Variants in KIF16B observed in about 807,000 individuals in gnomAD.
KIF16B encodes kinesin family member 16B, also known as kinesin-like protein KIF16B.
In KIF16B, 98 loss-of-function variants were observed where a neutral mutation model predicts 156.3. The ratio of observed to expected loss-of-function variants is 0.63; its 90% confidence interval spans 0.53 to 0.74. KIF16B has a LOEUF of 0.74. KIF16B is among the 30% of genes least tolerant of loss of function. KIF16B has a pLI of 0.00. For synonymous variants in KIF16B, 564 were observed against 583.7 expected (o/e 0.97, Z 0.49); for missense variants, 1,421 against 1,606.5 (o/e 0.88, Z 1.97).
intron 17 of KIF16B, among the ~76,000 whole-genome samples, chr20:16,401,010 C>T (rs902596935): frequency 6.6e-6 from 1 of 152,222 alleles, no homozygotes; most frequent in Non-Finnish European, 1.5e-5. Context: ...TGGAAACCCA[C>T]CCCTCAGGCA....
chr20:16,303,210 C>T (rs1884603), intron 25 of KIF16B, among the ~76,000 whole-genome samples: 109,835 of 152,150 alleles, frequency 0.72, 40,573 homozygotes, highest in East Asian at 0.96. Context: ...CCATTTTATG[C>T]GTAATAAAAC....
intron 24 of KIF16B, among the ~76,000 whole-genome samples, chr20:16,316,165 T>C (rs1188745750): frequency 6.6e-6 from 1 of 152,208 alleles, no homozygotes; most frequent in South Asian, 2.1e-4. Context: ...AGCAATTTCA[T>C]CTATCTAAAT....
chr20:16,480,299 T>C (rs1001952149), intron 12 of KIF16B, among the ~76,000 whole-genome samples: 2 of 152,102 alleles, frequency 1.3e-5, no homozygotes, highest in Non-Finnish European at 2.9e-5. Flanking sequence ...ACCCAAGACA[T>C]GGGCCCTCTA....
chr20:16,351,300 T>C (rs1334888232), intron 23 of KIF16B, among the ~76,000 whole-genome samples: 1 of 152,160 alleles, frequency 6.6e-6, no homozygotes, highest in Non-Finnish European at 1.5e-5. Context: ...GACATGAGTG[T>C]GATAGTCTCT....
chr20:16,468,575 CAAAAAAAA>C (rs550510241), intron 12 of KIF16B, among the ~76,000 whole-genome samples: 9 of 35,838 alleles, frequency 2.5e-4, no homozygotes, highest in East Asian at 8.6e-4. Context: ...GACTCCGTCT[CAAAAAAAA>C]AAAAAAAAAA....
chr20:16,452,707 T>C (rs1372245960), intron 12 of KIF16B, among the ~76,000 whole-genome samples: 5 of 151,544 alleles, frequency 3.3e-5, no homozygotes, highest in African/African-American at 4.8e-5. Context: ...TGGTGGTGGG[T>C]GCCTGTAGTC....
At chr20:16,362,555 C>T (rs1210294245) in intron 22 of KIF16B, among the ~76,000 whole-genome samples, 1 of 152,134 alleles carries the variant, frequency 6.6e-6, no homozygotes. Flanking sequence ...CTAGCATAGT[C>T]ATTCCTATAA....
At chr20:16,394,909 G>A (rs749333528) in intron 17 of KIF16B, among the ~76,000 whole-genome samples, 5 of 151,964 alleles carry the variant, frequency 3.3e-5, no homozygotes, top group Non-Finnish European at 5.9e-5. Flanking sequence ...TGTTTCTGAA[G>A]CCCTTTCTAC....
chr20:16,566,891 T>C (rs1600714301), intron 1 of KIF16B, among the ~76,000 whole-genome samples: 1 of 152,268 alleles, frequency 6.6e-6, no homozygotes, highest in Non-Finnish European at 1.5e-5. Flanking sequence ...ACAGTTATAC[T>C]GGCCAGCATA....
chr20:16,361,607 A>T (rs1422835326), intron 22 of KIF16B, among the ~76,000 whole-genome samples: 1 of 152,234 alleles, frequency 6.6e-6, no homozygotes, highest in African/African-American at 2.4e-5. Flanking sequence ...GTGGAGAAAC[A>T]GTGCTAACCT....
intron 25 of KIF16B, among the ~76,000 whole-genome samples, chr20:16,293,021 G>A (rs563832449): frequency 6.6e-6 from 1 of 152,234 alleles, no homozygotes; most frequent in Admixed American, 6.5e-5. Context: ...GCAAGACAAC[G>A]ACAGAGATAG....
At chr20:16,573,207 G>T in intron 1 of KIF16B, 22 bp downstream of exon 1, 1 of 1,570,740 alleles carries the variant, frequency 6.4e-7, no homozygotes, top group East Asian at 2.3e-5. Context: ...CGAGGGGGCG[G>T]GGCGCGGGCG....
chr20:16,393,426 A>T (rs1362436582), intron 17 of KIF16B, among the ~76,000 whole-genome samples: 1 of 152,242 alleles, frequency 6.6e-6, no homozygotes, highest in Non-Finnish European at 1.5e-5. Flanking sequence ...GATGACAATT[A>T]ACCTTAGGTC....
At chr20:16,463,325 T>C (rs2067399790) in intron 12 of KIF16B, among the ~76,000 whole-genome samples, 1 of 152,164 alleles carries the variant, frequency 6.6e-6, no homozygotes, top group Non-Finnish European at 1.5e-5. Flanking sequence ...CCACAAAACA[T>C]GTTGAAGGCA....
intron 22 of KIF16B, chr20:16,367,765 T>C: frequency 6.2e-7 from 1 of 1,612,640 alleles, no homozygotes; most frequent in South Asian, 1.1e-5. Context: ...GAGCAAGGGA[T>C]GATTAGCGCA....
At chr20:16,406,802 G>C (rs2065798245) in intron 15 of KIF16B, among the ~76,000 whole-genome samples, 1 of 152,118 alleles carries the variant, frequency 6.6e-6, no homozygotes, top group Non-Finnish European at 1.5e-5. Context: ...TCTCCAAAGA[G>C]ATATAATATC....
chr20:16,462,005 T>C (rs1284204777), intron 12 of KIF16B, among the ~76,000 whole-genome samples: 7 of 152,092 alleles, frequency 4.6e-5, no homozygotes, highest in Admixed American at 1.3e-4. Context: ...TCCCAGCACT[T>C]TGGAAGGCTG....
chr20:16,374,979 C>G (rs1046917264), intron 19 of KIF16B, among the ~76,000 whole-genome samples: 1 of 152,148 alleles, frequency 6.6e-6, no homozygotes, highest in Non-Finnish European at 1.5e-5. Flanking sequence ...CAGGCATCCA[C>G]TTTGGGCTAA....
intron 12 of KIF16B, among the ~76,000 whole-genome samples, chr20:16,476,521 A>G (rs1049243209): frequency 2.6e-5 from 4 of 152,230 alleles, no homozygotes; most frequent in Non-Finnish European, 5.9e-5. Flanking sequence ...GCTTAATATA[A>G]TAATAAATAC....
Sources: gnomAD v4.1 joint callset for allele counts (sites outside exome capture counted in the v4.1 genomes callset) on GRCh38, gnomAD v4.1.1 for gene constraint, MANE v1.5 for transcripts, NCBI Gene and HGNC (gene_info 2026-07-23, HGNC 2026-07-21) for gene names.